Variants in DPF3 observed in about 807,000 individuals in gnomAD.
DPF3 encodes the protein zinc finger protein DPF3.
In DPF3, 18 loss-of-function variants were observed where a neutral mutation model predicts 56.8. The ratio of observed to expected loss-of-function variants is 0.32; its 90% CI spans 0.22 to 0.47. The LOEUF (loss-of-function observed/expected upper bound fraction) is 0.47, where lower values mean the gene tolerates loss of function less well. Among genes scored for constraint, DPF3 ranks in the 20% least tolerant of loss-of-function variants. The pLI, the probability that DPF3 is intolerant of heterozygous loss-of-function variation, is 1.00. For missense variants in DPF3, 403 were observed against 488.8 expected (o/e 0.82, Z 1.65); for synonymous variants, 188 against 180.2 (o/e 1.04, Z -0.35).
intron 8 of DPF3, among the ~76,000 whole-genome samples, chr14:72,632,943 G>C (rs11623462): frequency 0.078 from 11,791 of 152,086 alleles, 562 homozygotes; most frequent in Middle Eastern, 0.11. Flanking sequence ...GAGGGTACAG[G>C]AATGTAAGAA....
At chr14:72,641,141 T>C (rs557431587) in intron 8 of DPF3, among the ~76,000 whole-genome samples, 1 of 152,316 alleles carries the variant, frequency 6.6e-6, no homozygotes, top group Admixed American at 6.5e-5. Flanking sequence ...TTGCCCTGGG[T>C]GAGCCATTGG....
At chr14:72,803,367 C>T (rs958837556) in intron 1 of DPF3, among the ~76,000 whole-genome samples, 1 of 152,146 alleles carries the variant, frequency 6.6e-6, no homozygotes, top group Admixed American at 6.5e-5. Context: ...CATGTCTAAG[C>T]GTGACTATCA....
rs139840217 is a variant in DPF3, at chr14:72,700,052, T to G, written c.605-6839A>C. On this transcript the variant is annotated intron_variant, in intron 6 of 10. Transcript: ENST00000556509. The stretch of plus-strand genomic sequence containing the variant: ...GACTCCCAAGTCTTAGTCCTTGGAA[T>G]GATTTCATCATAGGGGCAAGAGGAA... Among the ~76,000 whole-genome samples, 3 of 152,340 alleles carry G rather than the reference T, an allele frequency of 2.0e-5. No homozygotes were observed. The East Asian group carries it at 5.8e-4, about 29-fold the overall frequency.
intron 1 of DPF3, among the ~76,000 whole-genome samples, chr14:72,829,005 A>T (rs1343744480): frequency 6.6e-6 from 1 of 152,214 alleles, no homozygotes; most frequent in Non-Finnish European, 1.5e-5. Flanking sequence ...CCCTCGTCCA[A>T]TATAGGAGAC....
intron 8 of DPF3, chr14:72,670,129 AGCCTT>A: frequency 1.0e-6 from 1 of 985,900 alleles, no homozygotes; most frequent in Non-Finnish European, 1.2e-6. Context: ...GAAATACGGT[AGCCTT>A]GATCATCCAA....
At chr14:72,801,258 T>G (rs923117402) in intron 1 of DPF3, among the ~76,000 whole-genome samples, 1 of 152,214 alleles carries the variant, frequency 6.6e-6, no homozygotes, top group Non-Finnish European at 1.5e-5. Flanking sequence ...TGCAGGCCAA[T>G]ATCCACAAAT....
chr14:72,662,946 AAAAAG>A, intron 8 of DPF3: 1 of 708,822 alleles, frequency 1.4e-6, no homozygotes, highest in Non-Finnish European at 1.7e-6. Context: ...ATTAAAAAAA[AAAAAG>A]AAGAAGAAAG....
intron 5 of DPF3, among the ~76,000 whole-genome samples, chr14:72,718,700 C>A (rs990262467): frequency 1.3e-5 from 2 of 151,590 alleles, no homozygotes; most frequent in Non-Finnish European, 2.9e-5. Context: ...GAATAACAGC[C>A]TTTGGGGGCT....
chr14:72,878,838 T>C (rs917083796), intron 1 of DPF3, among the ~76,000 whole-genome samples: 2 of 152,242 alleles, frequency 1.3e-5, no homozygotes, highest in Non-Finnish European at 2.9e-5. Context: ...ATGTCATAAA[T>C]GCACATCCTA....
chr14:72,624,410 C>T (rs1308413302), intron 9 of DPF3, among the ~76,000 whole-genome samples: 11 of 145,646 alleles, frequency 7.6e-5, no homozygotes, highest in African/African-American at 2.3e-4. Context: ...GCCATCTCGG[C>T]TCACTGCAGC....
At chr14:72,773,697 C>A (rs1363166928) in intron 1 of DPF3, 4 of 397,764 alleles carry the variant, frequency 1.0e-5, no homozygotes, top group Non-Finnish European at 2.0e-5. Context: ...CCAAGTACTT[C>A]ATAAAAGTGG....
At chr14:72,688,985 A>G (rs1887552681) in intron 7 of DPF3, among the ~76,000 whole-genome samples, 1 of 152,212 alleles carries the variant, frequency 6.6e-6, no homozygotes, top group Non-Finnish European at 1.5e-5. Context: ...CAAGAAATGT[A>G]TACTCAGGAG....
intron 1 of DPF3, among the ~76,000 whole-genome samples, chr14:72,796,982 C>T (rs1473471033): frequency 1.3e-5 from 2 of 152,156 alleles, no homozygotes; most frequent in African/African-American, 2.4e-5. Context: ...GACGAAGCAT[C>T]GCACCTGGAT....
intron 7 of DPF3, among the ~76,000 whole-genome samples, chr14:72,689,862 C>T (rs1887599179): frequency 6.6e-6 from 1 of 152,110 alleles, no homozygotes; most frequent in Non-Finnish European, 1.5e-5. Context: ...GCTGTACCCT[C>T]CCCACTAGCA....
chr14:72,755,698 C>A (rs770385696), intron 2 of DPF3, among the ~76,000 whole-genome samples: 8 of 152,180 alleles, frequency 5.3e-5, no homozygotes, highest in Non-Finnish European at 1.2e-4. Flanking sequence ...AGACCCCCTG[C>A]CCCATCCACC....
At chr14:72,712,115 C>T (rs940165598) in intron 6 of DPF3, among the ~76,000 whole-genome samples, 63 of 151,432 alleles carry the variant, frequency 4.2e-4, no homozygotes, top group African/African-American at 1.3e-3. Flanking sequence ...GGAGGCAGCA[C>T]GCATGCGGAC....
chr14:72,861,226 A>G (rs1885394038), intron 1 of DPF3, among the ~76,000 whole-genome samples: 1 of 152,002 alleles, frequency 6.6e-6, no homozygotes, highest in Non-Finnish European at 1.5e-5. Flanking sequence ...TTATTTCTCA[A>G]TGATTACCGT....
chr14:72,763,666 T>C lies in DPF3; in HGVS notation c.193+8067A>G, dbSNP rs188028163. On this transcript the variant is annotated intron_variant, in intron 2 of 10. Transcript: ENST00000556509. ...AAAAAAATAAGAGAAACCCTGACCT[T>C]GCATTAGGTAGTAATTTCTCAGACA... 1.1e-4 allele frequency among the ~76,000 whole-genome samples: 17 copies of C among 152,272 alleles called. No homozygotes were observed. In the East Asian group the frequency reaches 3.3e-3, roughly 29 times the overall value.
chr14:72,649,660 T>TGG (rs372597512), intron 8 of DPF3, among the ~76,000 whole-genome samples: 3,810 of 61,072 alleles, frequency 0.062, 113 homozygotes, highest in Middle Eastern at 0.21. Context: ...CATCCCTGGG[T>TGG]GGGGGGGGGG....
Sources: allele counts gnomAD v4.1 joint callset (sites outside exome capture counted in the v4.1 genomes callset), GRCh38; gene constraint gnomAD v4.1.1; transcripts MANE v1.5; gene names NCBI Gene and HGNC (gene_info 2026-07-23, HGNC 2026-07-21).